Variants in RUNDC3B observed in about 807,000 individuals in gnomAD.
RUNDC3B encodes the protein RUN domain containing 3B, also known as RUN domain-containing protein 3B.
RUNDC3B carries 33 observed loss-of-function variants against 58.4 expected under a neutral mutation model. The observed-to-expected ratio is 0.56, with a 90% CI of 0.43 to 0.75. RUNDC3B has a LOEUF of 0.75. Among genes scored for constraint, RUNDC3B ranks in the 30% least tolerant of loss-of-function variants. RUNDC3B has a pLI of 0.00. For missense variants in RUNDC3B, 501 were observed against 535.7 expected, an observed-to-expected ratio of 0.94 and a Z score of 0.64; for synonymous variants, 193 against 195.2, an observed-to-expected ratio of 0.99 and a Z score of 0.10.
At chr7:87,668,028 C>T (rs554515549) in intron 2 of RUNDC3B, among the ~76,000 whole-genome samples, 12 of 151,520 alleles carry the variant, frequency 7.9e-5, no homozygotes, top group Non-Finnish European at 1.8e-4. Flanking sequence ...GTCCCTCTTC[C>T]TCATTTTTTT....
intron 2 of RUNDC3B, among the ~76,000 whole-genome samples, chr7:87,677,316 T>A (rs1826471411): frequency 3.8e-5 from 5 of 133,082 alleles, no homozygotes; most frequent in African/African-American, 2.9e-5. Flanking sequence ...CACACCACAA[T>A]GGAATACCAT....
chr7:87,668,238 T>C (rs189489528), intron 2 of RUNDC3B, among the ~76,000 whole-genome samples: 2 of 152,236 alleles, frequency 1.3e-5, no homozygotes, highest in African/African-American at 2.4e-5. Context: ...TCCAGGAATT[T>C]ACTCATCTCT....
At position 87,744,726 on chromosome 7, in the gene RUNDC3B, C is replaced by T. The variant is rs113600511; in HGVS notation, c.629+3147C>T. ...ATCATAGGAACTTTCTGGAGGAGTC[C>T]TCAGGGTTTTCAAGGTAAACGATCA... On this transcript the variant is annotated intron_variant, in intron 6 of 10. Coordinates refer to ENST00000394654, the MANE Select transcript of RUNDC3B (RefSeq NM_001134405.2). Among the ~76,000 whole-genome samples, 556 of 152,140 alleles carry T rather than the reference C, an allele frequency of 3.7e-3. 2 individuals carry two copies. The highest frequency in any genetic ancestry group is 0.027 in the Middle Eastern group (8 of 294).
chr7:87,755,008 G>A (rs1160829562), intron 6 of RUNDC3B, among the ~76,000 whole-genome samples: 2 of 146,614 alleles, frequency 1.4e-5, no homozygotes, highest in Non-Finnish European at 3.0e-5. Flanking sequence ...AGATATACAA[G>A]GAATAGCTGA....
chr7:87,754,129 G>A (rs1024845405), intron 6 of RUNDC3B, among the ~76,000 whole-genome samples: 1 of 152,122 alleles, frequency 6.6e-6, no homozygotes, highest in Non-Finnish European at 1.5e-5. Context: ...CCAAATAACA[G>A]AATATACATT....
chr7:87,817,075 A>G (rs1837085929), intron 10 of RUNDC3B, among the ~76,000 whole-genome samples: 1 of 151,982 alleles, frequency 6.6e-6, no homozygotes, highest in South Asian at 2.1e-4. Flanking sequence ...ATAATCCCCT[A>G]CCTCAGGGGA....
At chr7:87,809,075 G>C (rs1836577930) in intron 9 of RUNDC3B, among the ~76,000 whole-genome samples, 1 of 152,120 alleles carries the variant, frequency 6.6e-6, no homozygotes, top group Non-Finnish European at 1.5e-5. Context: ...GTCTAAAGTG[G>C]AAGATTTATT....
chr7:87,718,782 C>G (rs957654031), intron 4 of RUNDC3B, among the ~76,000 whole-genome samples: 5 of 152,256 alleles, frequency 3.3e-5, no homozygotes, highest in Non-Finnish European at 7.4e-5. Context: ...AGAAACACTA[C>G]TTGTATTTCC....
intron 6 of RUNDC3B, among the ~76,000 whole-genome samples, chr7:87,756,347 T>C (rs966976714): frequency 3.9e-5 from 6 of 151,950 alleles, no homozygotes; most frequent in Non-Finnish European, 8.8e-5. Context: ...TAAATTTAAT[T>C]TTGGAAAAAA....
intron 7 of RUNDC3B, among the ~76,000 whole-genome samples, chr7:87,775,965 T>C (rs1180135393): frequency 6.6e-6 from 1 of 152,080 alleles, no homozygotes; most frequent in Non-Finnish European, 1.5e-5. Flanking sequence ...ACTGTAGGAG[T>C]GATCCCTATA....
intron 2 of RUNDC3B, among the ~76,000 whole-genome samples, chr7:87,663,076 T>C (rs925791200): frequency 3.9e-5 from 6 of 152,160 alleles, no homozygotes; most frequent in African/African-American, 7.2e-5. Context: ...TGCTGACTTT[T>C]TGTATGTTGA....
chr7:87,668,376 CCTT>C (rs1825482495), intron 2 of RUNDC3B, among the ~76,000 whole-genome samples: 3 of 151,774 alleles, frequency 2.0e-5, no homozygotes, highest in South Asian at 4.2e-4. Flanking sequence ...AGCTTTTCTT[CCTT>C]CTTCTTTATT....
intron 3 of RUNDC3B, among the ~76,000 whole-genome samples, chr7:87,701,669 A>G (rs1829047050): frequency 1.3e-5 from 2 of 152,142 alleles, no homozygotes; most frequent in Admixed American, 6.5e-5. Flanking sequence ...CTAGAACAAA[A>G]GAAAATATCT....
At chr7:87,697,484 T>C (rs1313919095) in intron 2 of RUNDC3B, among the ~76,000 whole-genome samples, 1 of 152,192 alleles carries the variant, frequency 6.6e-6, no homozygotes, top group African/African-American at 2.4e-5. Context: ...AGGAAGTAAC[T>C]TTAGAATGGT....
chr7:87,820,347 T>A (rs1489024004), intron 10 of RUNDC3B, among the ~76,000 whole-genome samples: 2 of 152,156 alleles, frequency 1.3e-5, no homozygotes, highest in Non-Finnish European at 2.9e-5. Flanking sequence ...GGAAGAAGTT[T>A]AATCTCTGAA....
At chr7:87,820,881 A>G (rs1837382157) in intron 10 of RUNDC3B, among the ~76,000 whole-genome samples, 1 of 152,056 alleles carries the variant, frequency 6.6e-6, no homozygotes, top group Admixed American at 6.6e-5. Context: ...TATTGATGGG[A>G]CATATCTCAA....
chr7:87,775,946 T>C (rs887510272), intron 7 of RUNDC3B, among the ~76,000 whole-genome samples: 2 of 152,156 alleles, frequency 1.3e-5, no homozygotes, highest in Admixed American at 6.6e-5. Context: ...CATCATTAAG[T>C]GGCACACAAC....
chr7:87,796,090 G>A (rs1835803489), intron 8 of RUNDC3B, among the ~76,000 whole-genome samples: 1 of 152,174 alleles, frequency 6.6e-6, no homozygotes, highest in Admixed American at 6.5e-5. Flanking sequence ...TAAAGAAAAT[G>A]TGGTACTTAT....
At chr7:87,729,022 C>T (rs1032390429) in intron 4 of RUNDC3B, among the ~76,000 whole-genome samples, 9 of 152,040 alleles carry the variant, frequency 5.9e-5, no homozygotes, top group African/African-American at 1.9e-4. Flanking sequence ...CTTGTCTATC[C>T]ACAAAGACAT....
Sources: allele counts gnomAD v4.1 joint callset (sites outside exome capture counted in the v4.1 genomes callset), GRCh38; gene constraint gnomAD v4.1.1; transcripts MANE v1.5; gene names NCBI Gene and HGNC (gene_info 2026-07-23, HGNC 2026-07-21).